DPH6: variants seen among roughly 807,000 people sequenced by gnomAD.
DPH6 encodes diphthine--ammonia ligase.
Under a neutral mutation model 38.2 loss-of-function variants are expected in DPH6, and 33 were observed. That is an observed-to-expected ratio of 0.86 (90% confidence interval 0.65 to 1.15). The LOEUF (loss-of-function observed/expected upper bound fraction) is 1.15, where lower values mean the gene tolerates loss of function less well. DPH6 is among the 50% of genes most tolerant of loss of function. The probability of loss-of-function intolerance (pLI) is 0.00; values close to 1 mark genes in which losing one functional copy is unlikely to be tolerated. For synonymous variants in DPH6, 108 were observed against 103.0 expected, an observed-to-expected ratio of 1.05 and a Z score of -0.30; for missense variants, 325 against 320.0, an observed-to-expected ratio of 1.02 and a Z score of -0.12.
chr15:35,533,476 C>T lies in DPH6; in HGVS notation c.312+4798G>A, dbSNP rs573760929. 9.9e-5 allele frequency among the ~76,000 whole-genome samples: 15 copies of T among 152,084 alleles called. No individual in the cohort carries two copies. In the South Asian group the frequency reaches 2.5e-3, roughly 25 times the overall value. ...AGAAGAATACAACTGGGAGCCATCC[C>T]CTAATTACAAGGTCCTGACTGAGGT... is the stretch of plus-strand genomic sequence containing the variant. On this transcript the variant is annotated intron_variant, in intron 3 of 8. Coordinates refer to ENST00000256538, the MANE Select transcript of DPH6 (RefSeq NM_080650.4).
intron 3 of DPH6, among the ~76,000 whole-genome samples, chr15:35,273,529 G>A (rs1401386835): frequency 2.0e-5 from 3 of 152,086 alleles, no homozygotes; most frequent in Non-Finnish European, 2.9e-5. Context: ...CAGTGCAGTT[G>A]ATAAGAAGCT....
chr15:35,270,342 G>A (rs576838134), intron 3 of DPH6, among the ~76,000 whole-genome samples: 15 of 152,294 alleles, frequency 9.8e-5, no homozygotes, highest in Middle Eastern at 3.4e-3. Flanking sequence ...GGAGTGCATC[G>A]GTTCTGCTGA....
intron 5 of DPH6, among the ~76,000 whole-genome samples, chr15:35,426,357 T>C (rs913023978): frequency 5.9e-5 from 9 of 151,904 alleles, no homozygotes; most frequent in Admixed American, 2.0e-4. Flanking sequence ...ATGTTAACTA[T>C]AGAATATAAA....
intron 3 of DPH6, chr15:35,519,325 C>A (rs1300230371): frequency 2.0e-5 from 3 of 151,958 alleles, no homozygotes; most frequent in African/African-American, 7.2e-5. Flanking sequence ...AAATTTTAGG[C>A]AGCCCACTCA....
chr15:35,251,633 C>T (rs1256277143), intron 3 of DPH6, among the ~76,000 whole-genome samples: 1 of 152,210 alleles, frequency 6.6e-6, no homozygotes, highest in Non-Finnish European at 1.5e-5. Context: ...CACAGATACG[C>T]TAGTCTCTCA....
chr15:35,512,676 C>T (rs1267312669), intron 3 of DPH6, among the ~76,000 whole-genome samples: 2 of 151,766 alleles, frequency 1.3e-5, no homozygotes, highest in Non-Finnish European at 1.5e-5. Flanking sequence ...CTTGAGTTCA[C>T]GAAATGCCAG....
At chr15:35,154,962 A>T in the DPH6 span, among the ~76,000 whole-genome samples, 1 of 152,234 alleles carries the variant, frequency 6.6e-6, no homozygotes, top group Non-Finnish European at 1.5e-5. Context: ...TAAGGGAGCC[A>T]CATGAGGAAA....
rs564869192 is a variant in DPH6, at chr15:35,362,092, C to T, written n.207+11429G>A. Among the ~76,000 whole-genome samples the T allele has an allele frequency of 5.3e-5, 8 of 152,246 alleles. No homozygotes were observed. In the South Asian group the frequency reaches 1.7e-3, roughly 32 times the overall value. ...AAAGTGGCTTCACACAGGGGAAGAC[C>T]TTCACCAGTCAACCCAGTTAGAAAT... On this transcript the variant is annotated intron_variant and non_coding_transcript_variant, in intron 3 of 3. Transcript: ENST00000558973.
Position 35,307,198 on chromosome 15 carries a change from C to T in DPH6, n.200+66323G>A, listed in dbSNP as rs530285794. 1.8e-4 allele frequency among the ~76,000 whole-genome samples: 27 copies of T among 152,192 alleles called. 1 individual carries two copies. Among genetic ancestry groups the T allele is most frequent in the African/African-American group, 5.5e-4 (23 of 41,542 alleles). ...ACTCTGACTAGGTCATCAAAATTAA[C>T]ATCCCCGTTGAGGGCAGATGGATAT... On this transcript the variant is annotated intron_variant and non_coding_transcript_variant, in intron 3 of 3. Transcript: ENST00000560386.
intron 6 of DPH6, among the ~76,000 whole-genome samples, chr15:35,400,442 G>T (rs187324471): frequency 6.6e-6 from 1 of 152,148 alleles, no homozygotes; most frequent in Non-Finnish European, 1.5e-5. Context: ...TTCCAGAGTG[G>T]AAAGTCAATA....
the DPH6 span, among the ~76,000 whole-genome samples, chr15:35,180,209 TA>T: frequency 1.1e-4 from 16 of 152,074 alleles, no homozygotes; most frequent in African/African-American, 2.7e-4. Context: ...AAAAAGTGAT[TA>T]AAAAAATAAA....
chr15:35,231,954 A>G (rs1190287654), intron 3 of DPH6, among the ~76,000 whole-genome samples: 1 of 152,156 alleles, frequency 6.6e-6, no homozygotes, highest in Non-Finnish European at 1.5e-5. Flanking sequence ...TGCCCCCATG[A>G]CTCAAATACT....
At chr15:35,411,064 C>T (rs2053359965) in intron 5 of DPH6, among the ~76,000 whole-genome samples, 168 bp from the exon 6 acceptor site, 1 of 151,522 alleles carries the variant, frequency 6.6e-6, no homozygotes, top group Admixed American at 6.6e-5. Flanking sequence ...TTTCTATTCC[C>T]CTTGGGTAAC....
At chr15:35,283,014 CTCTTCCTCTTCTTCCTTCTTCTTCT>C (rs2051910179) in intron 3 of DPH6, 1 of 175,494 alleles carries the variant, frequency 5.7e-6, no homozygotes, top group Non-Finnish European at 1.1e-5. Context: ...CTTCTTCTTC[CTCTTCCTCTTCTTCCTTCTTCTTCT>C]TCTTCTTCCT....
chr15:35,509,354 G>A (rs1294533890), intron 3 of DPH6, among the ~76,000 whole-genome samples: 4 of 152,094 alleles, frequency 2.6e-5, no homozygotes, highest in African/African-American at 4.8e-5. Context: ...CAAAATGCTC[G>A]GCAATATTAT....
chr15:35,280,479 T>TAG (rs2051890658), intron 3 of DPH6, among the ~76,000 whole-genome samples: 1 of 152,026 alleles, frequency 6.6e-6, no homozygotes, highest in Non-Finnish European at 1.5e-5. Context: ...TTTTAAAAAG[T>TAG]AGAGAGAGAG....
chr15:35,416,271 G>T (rs2141004243), intron 5 of DPH6, among the ~76,000 whole-genome samples: 2 of 152,114 alleles, frequency 1.3e-5, no homozygotes, highest in African/African-American at 4.8e-5. Flanking sequence ...CAGAACAATA[G>T]AATCAACATT....
At chr15:35,307,535 C>T (rs933481009) in intron 3 of DPH6, among the ~76,000 whole-genome samples, 14 of 151,914 alleles carry the variant, frequency 9.2e-5, no homozygotes, top group African/African-American at 7.3e-5. Context: ...TAAAGGATAT[C>T]GTTGGGTTAA....
intron 3 of DPH6, among the ~76,000 whole-genome samples, chr15:35,472,642 T>C (rs762446699): frequency 1.3e-5 from 2 of 152,148 alleles, no homozygotes; most frequent in Non-Finnish European, 2.9e-5. Context: ...ATAAAAACTT[T>C]AACAGTATGT....
Sources: gnomAD v4.1 joint callset for allele counts (sites outside exome capture counted in the v4.1 genomes callset) on GRCh38, gnomAD v4.1.1 for gene constraint, MANE v1.5 for transcripts, NCBI Gene and HGNC (gene_info 2026-07-23, HGNC 2026-07-21) for gene names.